ATP8B4: variants seen among roughly 807,000 people sequenced by gnomAD.
ATP8B4 encodes the protein ATPase phospholipid transporting 8B4 (putative).
ATP8B4 carries 133 observed loss-of-function variants against 145.6 expected under a neutral mutation model. That is an observed-to-expected ratio of 0.91 (90% confidence interval 0.79 to 1.05). The LOEUF is 1.05. Ranked by LOEUF, ATP8B4 falls within the 50% of genes least tolerant of loss-of-function variation. The pLI is 0.00. For missense variants in ATP8B4, 1,458 were observed against 1,425.2 expected (o/e 1.02, Z -0.37); for synonymous variants, 507 against 492.9 (o/e 1.03, Z -0.38).
chr15:49,941,453 G>T (rs1455700817), intron 14 of ATP8B4, among the ~76,000 whole-genome samples: 1 of 152,104 alleles, frequency 6.6e-6, no homozygotes, highest in African/African-American at 2.4e-5. Flanking sequence ...TCCTGAACCA[G>T]AACAAAGAAA....
chr15:50,050,386 A>C (rs2052083722), intron 3 of ATP8B4, among the ~76,000 whole-genome samples: 1 of 151,906 alleles, frequency 6.6e-6, no homozygotes, highest in Non-Finnish European at 1.5e-5. Flanking sequence ...TTCCTAGATC[A>C]TTTCTACATA....
intron 1 of ATP8B4, among the ~76,000 whole-genome samples, chr15:50,108,935 A>G (rs1020806754): frequency 6.6e-6 from 1 of 152,172 alleles, no homozygotes; most frequent in Admixed American, 6.5e-5. Flanking sequence ...AAATTAATTT[A>G]TATTAGAAAT....
intron 6 of ATP8B4, among the ~76,000 whole-genome samples, chr15:50,032,973 A>G (rs902332569): frequency 6.6e-6 from 1 of 152,230 alleles, no homozygotes; most frequent in African/African-American, 2.4e-5. Context: ...AAGAAAAAAT[A>G]AAACAGAATT....
intron 14 of ATP8B4, among the ~76,000 whole-genome samples, chr15:49,941,347 C>G (rs2042149078): frequency 6.6e-6 from 1 of 151,998 alleles, no homozygotes; most frequent in African/African-American, 2.4e-5. Flanking sequence ...TAAAAATTTC[C>G]AGGAAACATG....
intron 9 of ATP8B4, among the ~76,000 whole-genome samples, chr15:49,987,927 A>G (rs2046757542): frequency 6.6e-6 from 1 of 152,214 alleles, no homozygotes; most frequent in Non-Finnish European, 1.5e-5. Flanking sequence ...TCTTTTAGCT[A>G]AATGTGAACT....
At chr15:49,989,502 T>C (rs2046886973) in intron 9 of ATP8B4, among the ~76,000 whole-genome samples, 1 of 152,086 alleles carries the variant, frequency 6.6e-6, no homozygotes, top group East Asian at 1.9e-4. Context: ...ACAGGTTCAT[T>C]TGATCATTTC....
rs1449283349 is a variant in ATP8B4, at chr15:49,860,168, A to G, written c.*26T>C. On this transcript the variant is annotated 3_prime_UTR_variant, in exon 28 of 28. Coordinates refer to ENST00000284509, the MANE Select transcript of ATP8B4 (RefSeq NM_024837.4). ...CAGCTCCACCTGAAGTGAAAAGATA[A>G]CTACGTGGTTTAAATTCATATTGAC... 6.3e-7 allele frequency: 1 copy of G among 1,581,544 alleles called. No homozygotes were observed. Among genetic ancestry groups the G allele is most frequent in the Admixed American group, 1.8e-5 (1 of 56,388 alleles).
intron 1 of ATP8B4, among the ~76,000 whole-genome samples, chr15:50,154,426 GTCTT>G (rs1333812479): frequency 6.6e-6 from 1 of 151,904 alleles, no homozygotes; most frequent in African/African-American, 2.4e-5. Context: ...CACATTTTAT[GTCTT>G]TCTTACAGTT....
intron 6 of ATP8B4, among the ~76,000 whole-genome samples, chr15:50,033,400 A>G (rs1439850604): frequency 1.3e-5 from 2 of 152,222 alleles, no homozygotes; most frequent in Admixed American, 1.3e-4. Flanking sequence ...AGTTTAGAAG[A>G]TGCTGGAGAA....
At chr15:49,880,890 A>G (rs1238444877) in intron 23 of ATP8B4, among the ~76,000 whole-genome samples, 1 of 151,776 alleles carries the variant, frequency 6.6e-6, no homozygotes, top group African/African-American at 2.4e-5. Flanking sequence ...AGGCGGGTGG[A>G]TCATGAGGTC....
chr15:50,076,284 G>A (rs1048647961), intron 2 of ATP8B4, among the ~76,000 whole-genome samples: 3 of 152,138 alleles, frequency 2.0e-5, no homozygotes, highest in Non-Finnish European at 4.4e-5. Flanking sequence ...ACAAGGTCAA[G>A]GGATCGAGAC....
Position 50,018,766 on chromosome 15 carries a change from C to T in ATP8B4, c.363-7849G>A, listed in dbSNP as rs555418616. 6.7e-5 allele frequency: 30 copies of T among 446,824 alleles called. No individual in the cohort carries two copies. The East Asian group carries it at 1.9e-3, about 28-fold the overall frequency. 27.7% of individuals were successfully genotyped at this position (446,824 alleles called of 1,614,324 possible). A position where few individuals can be genotyped will look rare whatever the true frequency, so the allele number is the denominator to read the frequency against. ...TGCCTGGACTGTATTATTCTGGTCC[C>T]TCTAGGCTTGTCTTCTCAGAATCAT... On this transcript the variant is annotated intron_variant, in intron 6 of 27. Coordinates refer to ENST00000284509, the MANE Select transcript of ATP8B4 (RefSeq NM_024837.4).
intron 1 of ATP8B4, among the ~76,000 whole-genome samples, chr15:50,135,633 C>T (rs958887626): frequency 1.3e-5 from 2 of 152,146 alleles, no homozygotes; most frequent in African/African-American, 4.8e-5. Context: ...TACCTGGTGG[C>T]ACAATAAGCA....
At chr15:50,101,864 T>C (rs534153213) in intron 2 of ATP8B4, among the ~76,000 whole-genome samples, 3 of 151,954 alleles carry the variant, frequency 2.0e-5, no homozygotes, top group Non-Finnish European at 4.4e-5. Flanking sequence ...CTCAACAAAT[T>C]TAAGAAAATT....
At chr15:50,019,913 A>C (rs1250245975) in intron 6 of ATP8B4, among the ~76,000 whole-genome samples, 2 of 151,982 alleles carry the variant, frequency 1.3e-5, no homozygotes, top group Non-Finnish European at 2.9e-5. Context: ...TGAGAGCTAG[A>C]GTTCCTCTCT....
intron 3 of ATP8B4, among the ~76,000 whole-genome samples, chr15:50,067,907 G>C (rs1046655404): frequency 2.0e-5 from 3 of 152,098 alleles, no homozygotes; most frequent in African/African-American, 7.2e-5. Context: ...ATGTTGCTAG[G>C]TATAGAGCAG....
At chr15:49,951,900 T>C (rs923463572) in intron 14 of ATP8B4, among the ~76,000 whole-genome samples, 21 of 152,170 alleles carry the variant, frequency 1.4e-4, no homozygotes, top group Non-Finnish European at 8.8e-5. Context: ...GGTAACAAAA[T>C]CCCTCAGCAT....
At chr15:50,069,213 C>T (rs890183023) in intron 3 of ATP8B4, among the ~76,000 whole-genome samples, 3 of 152,162 alleles carry the variant, frequency 2.0e-5, no homozygotes, top group Non-Finnish European at 4.4e-5. Flanking sequence ...TGTAATTTGA[C>T]GTTTTTACCT....
At chr15:50,029,706 G>A (rs2050293039) in intron 6 of ATP8B4, among the ~76,000 whole-genome samples, 1 of 152,202 alleles carries the variant, frequency 6.6e-6, no homozygotes, top group East Asian at 1.9e-4. Context: ...ATTGTGTGGA[G>A]AAGCAGAGAG....
Sources: gnomAD v4.1 joint callset for allele counts (sites outside exome capture counted in the v4.1 genomes callset) on GRCh38, gnomAD v4.1.1 for gene constraint, MANE v1.5 for transcripts, NCBI Gene and HGNC (gene_info 2026-07-23, HGNC 2026-07-21) for gene names.